The following LRP2 variants were observed in gnomAD, a reference collection of about 807,000 sequenced individuals.
The protein encoded by LRP2 is low-density lipoprotein receptor-related protein 2.
LRP2 carries 172 observed loss-of-function variants against 531.0 expected under a neutral mutation model. That is an observed-to-expected ratio of 0.32 (90% confidence interval 0.29 to 0.37). LRP2 has a LOEUF of 0.37. Ranked by LOEUF, LRP2 falls within the 10% of genes least tolerant of loss-of-function variation. The pLI is 1.00. For synonymous variants in LRP2, 1,992 were observed against 2,027.6 expected (o/e 0.98, Z 0.47); for missense variants, 5,167 against 5,868.3 (o/e 0.88, Z 3.90).
intron 3 of LRP2, among the ~76,000 whole-genome samples, chr2:169,316,858 A>G (rs1684777270): frequency 6.6e-6 from 1 of 152,116 alleles, no homozygotes; most frequent in African/African-American, 2.4e-5. Flanking sequence ...GGAATGACCA[A>G]AGCAGCTCAA....
chr2:169,138,650 C>T lies in LRP2; in HGVS notation c.13445G>A (p.Gly4482Glu). The change falls in exon 75 of 79, where the codon GGG becomes GAG. Residue 4482 changes from glycine to glutamate, a missense_variant. Gly to Glu is a moderately conservative substitution (Grantham distance 98, BLOSUM62 -2). Transcript: ENST00000649046. ...TCCAATATCCATGTTAAGATCTGCC[C>T]CTGATCTGAAGGTCACCCCATTCCC... ...ENGNGVTFRS[G>E]ADLNMDIGVS... The T allele has an allele frequency of 6.2e-7, 1 of 1,614,010 alleles. No homozygotes were observed. Among genetic ancestry groups the T allele is most frequent in the Non-Finnish European group, 8.5e-7 (1 of 1,179,916 alleles).
intron 74 of LRP2, 79 bp downstream of exon 74, chr2:169,139,168 TAGAA>T: frequency 3.1e-6 from 5 of 1,602,158 alleles, no homozygotes; most frequent in Middle Eastern, 1.7e-4. Flanking sequence ...TTTTTTAACT[TAGAA>T]AGAAAACTAA....
In LRP2 at chr2:169,359,144, A is replaced by G. The variant is rs553087029; in HGVS notation, c.79+3177T>C. 3.9e-5 allele frequency among the ~76,000 whole-genome samples: 6 copies of G among 152,224 alleles called. No individual in the cohort carries two copies. In the South Asian group the frequency reaches 8.3e-4, roughly 21 times the overall value. On this transcript the variant is annotated intron_variant, in intron 1 of 78. Transcript: ENST00000649046. ...CTGTCTATATGCTTTACACCATGCTAAGCACTTGGCATATTTTATCTCTTT... is the reference window on the plus strand; with the variant it reads ...CTGTCTATATGCTTTACACCATGCTGAGCACTTGGCATATTTTATCTCTTT...
chr2:169,334,907 T>C (rs569140989), intron 1 of LRP2, among the ~76,000 whole-genome samples: 1 of 152,282 alleles, frequency 6.6e-6, no homozygotes, highest in East Asian at 1.9e-4. Context: ...GGTGGTTCCT[T>C]CCAGGGCATT....
chr2:169,235,223 T>G (rs2105374182), intron 29 of LRP2, among the ~76,000 whole-genome samples: 1 of 143,862 alleles, frequency 7.0e-6, no homozygotes, highest in African/African-American at 2.7e-5. Flanking sequence ...AGTTAAGTTA[T>G]AAATTTTTGC....
At chr2:169,309,839 A>C (rs1367566218) in intron 3 of LRP2, among the ~76,000 whole-genome samples, 1 of 152,170 alleles carries the variant, frequency 6.6e-6, no homozygotes, top group East Asian at 1.9e-4. Context: ...CATGATATTG[A>C]TTCTTCCTAT....
chr2:169,223,280 C>T lies in LRP2; in HGVS notation c.5538+2030G>A, dbSNP rs115915363. ...TTACCAATCCATACACACATGCACG[C>T]TCAGTTATTCTCCAACTGGCCACTA... On this transcript the variant is annotated intron_variant, in intron 33 of 78. Coordinates refer to ENST00000649046, the MANE Select transcript of LRP2 (RefSeq NM_004525.3). Among the ~76,000 whole-genome samples the T allele has an allele frequency of 7.4e-3, 1,130 of 152,282 alleles. 9 individuals carry two copies. Among genetic ancestry groups the T allele is most frequent in the African/African-American group, 0.026 (1,072 of 41,554 alleles).
intron 70 of LRP2, among the ~76,000 whole-genome samples, chr2:169,143,209 G>A (rs752063835): frequency 3.9e-5 from 6 of 152,152 alleles, no homozygotes; most frequent in Non-Finnish European, 7.3e-5. Context: ...CATAACATAT[G>A]GTCTATCCAA....
chr2:169,200,631 A>T (rs565469667), intron 44 of LRP2, among the ~76,000 whole-genome samples: 9 of 152,120 alleles, frequency 5.9e-5, no homozygotes, highest in South Asian at 2.1e-4. Context: ...TAAACTAAAC[A>T]AAAAGTTAAT....
At chr2:169,140,249 TC>T (rs1685669095) in intron 72 of LRP2, among the ~76,000 whole-genome samples, 1 of 152,200 alleles carries the variant, frequency 6.6e-6, no homozygotes, top group Admixed American at 6.5e-5. Flanking sequence ...TTGAACCAGA[TC>T]TCCACGGGAT....
chr2:169,220,285 T>C (rs1355765353), intron 34 of LRP2, among the ~76,000 whole-genome samples, 169 bp downstream of exon 34: 1 of 152,222 alleles, frequency 6.6e-6, no homozygotes, highest in Admixed American at 6.5e-5. Context: ...TCCTGCACAT[T>C]AAATATAGGT....
At chr2:169,257,071 T>G in intron 18 of LRP2, 53 bp downstream of exon 18, 1 of 1,607,148 alleles carries the variant, frequency 6.2e-7, no homozygotes, top group Non-Finnish European at 8.5e-7. Context: ...TGCCTCATTA[T>G]GTGTTCTGCA....
intron 16 of LRP2, among the ~76,000 whole-genome samples, chr2:169,268,494 C>G (rs1683299318): frequency 6.6e-6 from 1 of 152,130 alleles, no homozygotes; most frequent in Non-Finnish European, 1.5e-5. Context: ...TAAACAGAAC[C>G]AAAGACAAAA....
intron 56 of LRP2, 22 bp downstream of exon 56, chr2:169,173,897 T>C (rs1687089455): frequency 6.2e-7 from 1 of 1,613,876 alleles, no homozygotes. Context: ...GGTCATGCCT[T>C]GGTCCTCCCA....
At position 169,170,634 on chromosome 2, in the gene LRP2, C is replaced by T; in HGVS notation, c.11297G>A (p.Cys3766Tyr). Residue 3766 changes from cysteine (C) to tyrosine (Y), a missense_variant, in exon 59 of 79, where the codon TGT becomes TAT. Physicochemically the swap from Cys to Tyr is radical, Grantham distance 194. Around this residue, in one of 6 missense-constraint regions of LRP2, gnomAD observed 564 missense variants for 747.7 expected, o/e 0.75. Transcript: ENST00000649046. ...CGAGGGAATGCACTGCTGATTGACA[C>T]ATCGAAACTCGCTCTCTGTGCACTC... Reference protein sequence around the residue: ...PRECTESEFRCVNQQCIPSRW... With the variant: ...PRECTESEFRYVNQQCIPSRW... 1 of 1,614,010 alleles carries T rather than the reference C, an allele frequency of 6.2e-7. No homozygotes were observed. The highest frequency in any genetic ancestry group is 2.2e-5 in the East Asian group (1 of 44,886).
rs1466724772 is a variant in LRP2 at position 169,140,544 on chromosome 2, G to A, written c.13110C>T (p.Ala4370=). 6.2e-7 allele frequency: 1 copy of A among 1,611,254 alleles called. No homozygotes were observed. The highest frequency in any genetic ancestry group is 2.2e-5 in the East Asian group (1 of 44,874). ...GGGGCAGGTTGATAGGCAGTTCGAT[G>A]GCTGCAGGAAGGGAAAGCCATGCAG... ...IEGSTTECDA[A]IELPINLPPP... Residue 4370 remains alanine (A), a splice_region_variant and synonymous_variant, in exon 72 of 79, where the codon GCC becomes GCT. Transcript: ENST00000649046.
chr2:169,278,095 G>GT lies in LRP2; in HGVS notation c.1566-145dup, dbSNP rs113905285. 52,534 of 460,094 alleles carry GT rather than the reference G, an allele frequency of 0.11. 8 individuals are homozygous for GT. The highest frequency in any genetic ancestry group is 0.14 in the South Asian group (4,567 of 31,786). 28.5% of individuals were successfully genotyped at this position (460,094 alleles called of 1,614,324 possible). ...TATAAAACAACAGGGAAATTAAGTT[G>GT]TTTTTTTTTTTTAAAGAGACTGTGG... On this transcript the variant is annotated intron_variant, in intron 12 of 78. Transcript: ENST00000649046.
At chr2:169,239,906 A>AT in intron 25 of LRP2, 131 bp from the exon 26 acceptor site, 1 of 791,270 alleles carries the variant, frequency 1.3e-6, no homozygotes, top group Non-Finnish European at 2.1e-6. Context: ...AGCTAAGTGC[A>AT]GCATGCACTT....
At chr2:169,295,842 TG>T (rs11301096) in intron 4 of LRP2, among the ~76,000 whole-genome samples, 101,650 of 151,772 alleles carry the variant, frequency 0.67, 34,781 homozygotes, top group South Asian at 0.82. Flanking sequence ...TTCACAAATG[TG>T]GATATCTTCC....
Sources: allele counts gnomAD v4.1 joint callset (sites outside exome capture counted in the v4.1 genomes callset), GRCh38; gene constraint gnomAD v4.1.1; regional missense constraint gnomAD v4.1.1; transcripts MANE v1.5; gene names NCBI Gene and HGNC (gene_info 2026-07-23, HGNC 2026-07-21).